MINK1: variants seen among roughly 807,000 people sequenced by gnomAD.
MINK1 encodes misshapen-like kinase 1.
A neutral mutation model predicts 178.4 loss-of-function variants in MINK1; 46 were observed. The observed-to-expected ratio is 0.26, with a 90% CI of 0.20 to 0.33. The LOEUF is 0.33. MINK1 is among the 10% of genes least tolerant of loss of function. MINK1 has a pLI of 1.00. For synonymous variants in MINK1, 797 were observed against 709.7 expected (o/e 1.12, Z -1.96); for missense variants, 1,366 against 1,814.9 (o/e 0.75, Z 4.49).
In MINK1 at chr17:4,896,309, G is replaced by A. The variant is rs751465352; in HGVS notation, c.3582G>A (p.Ser1194=). ...SAGFHAVDVD[S]GNSYDIYIPV... Reference sequence around the variant, plus strand: ...GCTTCCATGCTGTGGATGTCGACTCGGGGAACAGCTATGACATCTACATCC... The same window carrying A: ...GCTTCCATGCTGTGGATGTCGACTCAGGGAACAGCTATGACATCTACATCC... The change falls in exon 29 of 32, where the codon TCG becomes TCA. Residue 1194 remains serine, a synonymous_variant. Coordinates refer to ENST00000355280, the MANE Select transcript of MINK1 (RefSeq NM_153827.5). This position sits in a 1 kb window ranked among gnomAD's most constrained non-coding sequence, Gnocchi z 4.6. 7.5e-6 allele frequency: 12 copies of A among 1,600,342 alleles called. No homozygotes were observed. Among genetic ancestry groups the A allele is most frequent in the East Asian group, 2.2e-5 (1 of 44,846 alleles).
chr17:4,891,767 A>G (rs938416194), intron 16 of MINK1, 51 bp downstream of exon 16: 28 of 1,544,814 alleles, frequency 1.8e-5, no homozygotes, highest in Middle Eastern at 3.4e-4. Flanking sequence ...AGTCATGAAG[A>G]GAAGGAGGGC....
intron 1 of MINK1, chr17:4,847,190 G>T (rs1365885614): frequency 4.1e-6 from 2 of 483,910 alleles, no homozygotes; most frequent in Admixed American, 4.3e-5. Context: ...AGTGAACATG[G>T]CATGAGGAGC....
At position 4,895,331 on chromosome 17, in the gene MINK1, C is replaced by T. The variant is rs558723395; in HGVS notation, c.3086-19C>T. 1 of 1,603,094 alleles carries T rather than the reference C, an allele frequency of 6.2e-7. No homozygotes were observed. Among genetic ancestry groups the T allele is most frequent in the Non-Finnish European group, 8.5e-7 (1 of 1,173,390 alleles). ...GGGCCTGGCTGAGCCTCTGACCTGC[C>T]CAAGGGCTCCTGTTGCAGGGGTCAA... On this transcript the variant is annotated intron_variant, in intron 25 of 31. Transcript: ENST00000355280. The surrounding 1 kb of genome is among the most constrained non-coding windows in gnomAD (Gnocchi z 4.3).
chr17:4,838,995 G>C (rs978076674), intron 1 of MINK1, among the ~76,000 whole-genome samples: 4 of 151,516 alleles, frequency 2.6e-5, no homozygotes, highest in East Asian at 3.9e-4. Context: ...CCAGGCTGGA[G>C]TGCAGTGGCG....
chr17:4,851,719 G>A (rs888897811), intron 1 of MINK1, among the ~76,000 whole-genome samples: 3 of 152,086 alleles, frequency 2.0e-5, no homozygotes, highest in Admixed American at 6.5e-5. Context: ...TCCACTCTCG[G>A]GCCGTGCGTG....
In MINK1 at chr17:4,851,593, C is replaced by T. The variant is rs141570886; in HGVS notation, c.57+17953C>T. 1.2e-3 allele frequency among the ~76,000 whole-genome samples: 181 copies of T among 152,274 alleles called. 1 individual carries two copies. The highest frequency in any genetic ancestry group is 4.2e-3 in the African/African-American group (174 of 41,542). ...CACTGCGCTGAGCTCTTTTCTCCTC[C>T]GAGAAGCCTTCCCTTCATCTCTCCT... On this transcript the variant is annotated intron_variant, in intron 1 of 31. Transcript: ENST00000355280.
In MINK1 at chr17:4,893,612, G is replaced by T; in HGVS notation, c.2564+15G>T. 2 of 1,518,450 alleles carry T rather than the reference G, an allele frequency of 1.3e-6. No homozygotes were observed. The highest frequency in any genetic ancestry group is 4.3e-5 in the Admixed American group (2 of 46,132). The allele number at this position is 1,518,450 out of a possible 1,614,324, so 94.1% of individuals were successfully genotyped here. On this transcript the variant is annotated intron_variant, in intron 21 of 31. Coordinates refer to ENST00000355280, the MANE Select transcript of MINK1 (RefSeq NM_153827.5). ...CCTGGGGGCCGGTACGGCATCGGGA[G>T]TGGGGCCCTCCCACTCCAAGGCACA... is the stretch of plus-strand genomic sequence containing the variant.
rs751020945 is a variant in MINK1, at chr17:4,892,497, C to T, written c.2183C>T (p.Pro728Leu). 4.0e-5 allele frequency: 63 copies of T among 1,559,966 alleles called. No individual in the cohort carries two copies. Among genetic ancestry groups the T allele is most frequent in the Non-Finnish European group, 3.7e-5 (43 of 1,152,042 alleles). Residue 728 changes from proline (P) to leucine (L), a missense_variant, in exon 18 of 32, where the codon CCG becomes CTG. By Grantham distance (98) the Pro-to-Leu change is moderately conservative. Transcript: ENST00000355280. ...PPGPPAQPPG[P>L]PNASSNPDLR... ...GGGCCCCCTGCTCAGCCCCCTGGCCCGCCCAACGCCTCTAGGTAATAGAGT... is the reference window on the plus strand; with the variant it reads ...GGGCCCCCTGCTCAGCCCCCTGGCCTGCCCAACGCCTCTAGGTAATAGAGT...
chr17:4,879,314 G>GC (rs925381483), intron 2 of MINK1, among the ~76,000 whole-genome samples: 1 of 152,238 alleles, frequency 6.6e-6, no homozygotes, highest in South Asian at 2.1e-4. Context: ...TCTGACTGGA[G>GC]CCCCCTGGGG....
chr17:4,892,336 A>C, intron 17 of MINK1, 66 bp from the exon 18 acceptor site: 3 of 1,459,448 alleles, frequency 2.1e-6, no homozygotes, highest in Non-Finnish European at 2.8e-6. Context: ...GGGGTGGGAA[A>C]GCCCCAGCCC....
chr17:4,876,608 C>G (rs1389529115), intron 1 of MINK1, among the ~76,000 whole-genome samples: 1 of 151,876 alleles, frequency 6.6e-6, no homozygotes, highest in Non-Finnish European at 1.5e-5. Flanking sequence ...CTCCCAGAAA[C>G]CCTATGTTAG....
chr17:4,862,308 A>G (rs1476268560), intron 1 of MINK1, among the ~76,000 whole-genome samples: 2 of 152,194 alleles, frequency 1.3e-5, no homozygotes, highest in Non-Finnish European at 2.9e-5. Context: ...CCTCCTCTGT[A>G]AAGTGAGAAT....
chr17:4,845,350 G>C (rs1490276608), intron 1 of MINK1, among the ~76,000 whole-genome samples: 1 of 152,170 alleles, frequency 6.6e-6, no homozygotes, highest in East Asian at 1.9e-4. Context: ...TTCTGGTTCT[G>C]CTATGCTCAT....
Position 4,894,283 on chromosome 17 carries a change from G to A in MINK1, c.2780G>A (p.Ser927Asn). The A allele has an allele frequency of 6.2e-7, 1 of 1,613,042 alleles. No homozygotes were observed. Among genetic ancestry groups the A allele is most frequent in the African/African-American group, 1.3e-5 (1 of 75,006 alleles). The change falls in exon 23 of 32, where the codon AGC (serine) becomes AAC (asparagine). Residue 927 changes from serine (S) to asparagine (N), a missense_variant. Around this residue, in one of 14 missense-constraint regions of MINK1, gnomAD observed 709 missense variants for 692.3 expected, o/e 1.02. Transcript: ENST00000355280. The surrounding 1 kb of genome is among the most constrained non-coding windows in gnomAD (Gnocchi z 4.1). ...CCCACCGAGAACAGCAAAGGCCAAA[G>A]CCCACCCTCGAAGGATGGGAGTGGT... The part of the protein sequence containing the change: ...HSPTENSKGQ[S>N]PPSKDGSGDY...
At position 4,897,428 on chromosome 17, in the gene MINK1, TC is replaced by T; in HGVS notation, c.*142del. 1 of 696,480 alleles carries T rather than the reference TC, an allele frequency of 1.4e-6. No homozygotes were observed. 43.1% of individuals were successfully genotyped at this position (696,480 alleles called of 1,614,324 possible). On this transcript the variant is annotated 3_prime_UTR_variant, in exon 32 of 32. Coordinates refer to ENST00000355280, the MANE Select transcript of MINK1 (RefSeq NM_153827.5). ...ACTGGAGCCTGCTGGGAACGTGACC[TC>T]TGACCCCTGATGCTTTCGTGATCAC...
In MINK1 at chr17:4,871,784, CCAG is replaced by C. The variant is rs537920175; in HGVS notation, c.58-6526_58-6524del. 4.6e-5 allele frequency among the ~76,000 whole-genome samples: 7 copies of C among 152,284 alleles called. No homozygotes were observed. The East Asian group carries it at 1.4e-3, about 29-fold the overall frequency. ...AAAGTGGCTGGACCATTTTACATTC[CCAG>C]CAGCAGTGTATGACAATTTCAGTTT... On this transcript the variant is annotated intron_variant, in intron 1 of 31. Coordinates refer to ENST00000355280, the MANE Select transcript of MINK1 (RefSeq NM_153827.5).
chr17:4,844,965 T>A (rs553741071), intron 1 of MINK1, among the ~76,000 whole-genome samples: 3 of 152,306 alleles, frequency 2.0e-5, no homozygotes, highest in Non-Finnish European at 2.9e-5. Flanking sequence ...CTCCAGAACT[T>A]CTTCATCCTC....
chr17:4,874,644 C>G (rs1384308794), intron 1 of MINK1, among the ~76,000 whole-genome samples: 1 of 152,018 alleles, frequency 6.6e-6, no homozygotes, highest in Non-Finnish European at 1.5e-5. Context: ...GAGGATTAGG[C>G]AGAGGCTGGA....
At chr17:4,888,263 A>G (rs1408011009) in intron 12 of MINK1, among the ~76,000 whole-genome samples, 2 of 151,970 alleles carry the variant, frequency 1.3e-5, no homozygotes, top group East Asian at 1.9e-4. Flanking sequence ...TCCACCTGCT[A>G]CCTCCAAAGT....
Sources: allele counts gnomAD v4.1 joint callset (sites outside exome capture counted in the v4.1 genomes callset), GRCh38; gene constraint gnomAD v4.1.1; regional missense constraint gnomAD v4.1.1; non-coding constraint Gnocchi (gnomAD v3.1); transcripts MANE v1.5; gene names NCBI Gene and HGNC (gene_info 2026-07-23, HGNC 2026-07-21).